ZSWIM9: variants seen among roughly 807,000 people sequenced by gnomAD.
ZSWIM9 encodes zinc finger SWIM-type containing 9.
In ZSWIM9, 11 loss-of-function variants were observed where a neutral mutation model predicts 25.0. The ratio of observed to expected loss-of-function variants is 0.44; its 90% confidence interval spans 0.28 to 0.73. The LOEUF is 0.73. Ranked by LOEUF, ZSWIM9 falls within the 30% of genes least tolerant of loss-of-function variation. ZSWIM9 has a pLI of 0.16. For missense variants in ZSWIM9, 1,070 were observed against 1,296.5 expected, an observed-to-expected ratio of 0.83 and a Z score of 2.68; for synonymous variants, 562 against 582.1, an observed-to-expected ratio of 0.97 and a Z score of 0.50.
Position 48,197,244 on chromosome 19 carries a change from T to G in ZSWIM9, c.*417T>G, listed in dbSNP as rs1299124377. ...GCGGGGAGAGGGGAAAGGGAGAAAG[T>G]ACAGAAGACAGATGAAGGAGAGGAG... is the stretch of plus-strand genomic sequence containing the variant. On this transcript the variant is annotated 3_prime_UTR_variant, in exon 4 of 4. Coordinates refer to ENST00000614654, the MANE Select transcript of ZSWIM9 (RefSeq NM_199341.4). 1 of 698,416 alleles carries G rather than the reference T, an allele frequency of 1.4e-6. No individual in the cohort carries two copies. Among genetic ancestry groups the G allele is most frequent in the African/African-American group, 1.8e-5 (1 of 55,588 alleles). The allele number at this position is 698,416 out of a possible 1,614,324, so 43.3% of individuals were successfully genotyped here.
rs1228838305 is a variant in ZSWIM9 at position 48,187,406 on chromosome 19, ATATATTATAATTATATAT to A, written c.588+4649_588+4666del. Among the ~76,000 whole-genome samples, 3 of 97,272 alleles carry A rather than the reference ATATATTATAATTATATAT, an allele frequency of 3.1e-5. No individual in the cohort carries two copies. The East Asian group carries it at 9.1e-4, about 29-fold the overall frequency. The allele number at this position is 97,272 out of a possible 152,430, so 63.8% of individuals were successfully genotyped here. On this transcript the variant is annotated intron_variant, in intron 3 of 3. Transcript: ENST00000614654. Reference sequence around the variant, plus strand: ...TAATAATTAATATATTATATTAATTATATATTATAATTATATATTATATTATATTATATATATTATATA... The same window carrying A: ...TAATAATTAATATATTATATTAATTATATATTATATTATATATATTATATA...
In ZSWIM9 at chr19:48,195,054, G is replaced by A. The variant is rs1246176581; in HGVS notation, c.990G>A (p.Gln330=). Reference sequence around the variant, plus strand: ...TGGAGACGCTCTTCAGCAAGGCGCAGGAGCTGGGCGGCGCCGGCCGCGAGG... The same window carrying A: ...TGGAGACGCTCTTCAGCAAGGCGCAAGAGCTGGGCGGCGCCGGCCGCGAGG... ...QGLETLFSKA[Q]ELGGAGREDP... is the part of the protein sequence containing the mutation. The change falls in exon 4 of 4, where the codon CAG becomes CAA. Residue 330 remains glutamine, a synonymous_variant. Transcript: ENST00000614654. This position sits in a 1 kb window ranked among gnomAD's most constrained non-coding sequence, Gnocchi z 5.8. 5 of 1,377,842 alleles carry A rather than the reference G, an allele frequency of 3.6e-6. No homozygotes were observed. The highest frequency in any genetic ancestry group is 6.9e-5 in the East Asian group (2 of 28,790). The allele number at this position is 1,377,842 out of a possible 1,614,324, so 85.4% of individuals were successfully genotyped here.
chr19:48,196,615 C>T lies in ZSWIM9; in HGVS notation c.2551C>T (p.Arg851Trp). 7 of 1,232,524 alleles carry T rather than the reference C, an allele frequency of 5.7e-6. No individual in the cohort carries two copies. Among genetic ancestry groups the T allele is most frequent in the Non-Finnish European group, 7.1e-6 (7 of 988,282 alleles). 76.3% of individuals were successfully genotyped at this position (1,232,524 alleles called of 1,614,324 possible). ...GGCCTTTGCTAGGCAGCATGGGACC[C>T]GGGGTTTCCACTGGACCGGAGCTGG... ...ELAFARQHGT[R>W]GFHWTGAGFA... Residue 851 changes from arginine to tryptophan, a missense_variant, in exon 4 of 4, where the codon CGG becomes TGG. Coordinates refer to ENST00000614654, the MANE Select transcript of ZSWIM9 (RefSeq NM_199341.4).
chr19:48,190,135 C>A (rs559695958), intron 3 of ZSWIM9, among the ~76,000 whole-genome samples: 1 of 150,030 alleles, frequency 6.7e-6, no homozygotes, highest in East Asian at 2.0e-4. Flanking sequence ...CCTGGGGTGG[C>A]GGAGGTCGCA....
intron 3 of ZSWIM9, among the ~76,000 whole-genome samples, chr19:48,183,848 A>T (rs1204966848): frequency 6.7e-6 from 1 of 148,288 alleles, no homozygotes; most frequent in Non-Finnish European, 1.5e-5. Context: ...GGGTCTCCCT[A>T]TGTTGCCCAG....
In ZSWIM9 at chr19:48,190,201, C is replaced by G. The variant is rs537073355; in HGVS notation, c.589-4452C>G. On this transcript the variant is annotated intron_variant, in intron 3 of 3. Coordinates refer to ENST00000614654, the MANE Select transcript of ZSWIM9 (RefSeq NM_199341.4). ...CCTGGGTGACAGATTGAGACTCCAT[C>G]TCAAAAAAAAAAAAAAGAAAGAAAA... Among the ~76,000 whole-genome samples the G allele has an allele frequency of 1.5e-3, 170 of 114,836 alleles. 3 individuals are homozygous for G. In the East Asian group the frequency reaches 0.038, roughly 26 times the overall value. 75.3% of individuals were successfully genotyped at this position (114,836 alleles called of 152,430 possible).
intron 2 of ZSWIM9, among the ~76,000 whole-genome samples, chr19:48,175,147 C>T (rs2036879403): frequency 6.6e-6 from 1 of 152,098 alleles, no homozygotes. Flanking sequence ...AGTATGTGAG[C>T]TAACAGACAC....
intron 2 of ZSWIM9, among the ~76,000 whole-genome samples, chr19:48,175,593 G>A (rs187262006): frequency 6.6e-6 from 1 of 152,122 alleles, no homozygotes; most frequent in Non-Finnish European, 1.5e-5. Context: ...AGTAGGGTCA[G>A]TTCTGGGTGG....
Position 48,195,486 on chromosome 19 carries a change from A to G in ZSWIM9, c.1422A>G (p.Thr474=). 1 of 1,414,828 alleles carries G rather than the reference A, an allele frequency of 7.1e-7. No individual in the cohort carries two copies. Among genetic ancestry groups the G allele is most frequent in the Non-Finnish European group, 9.2e-7 (1 of 1,091,574 alleles). 87.6% of individuals were successfully genotyped at this position (1,414,828 alleles called of 1,614,324 possible). ...GENERVRGLE[T]GDWGGAPKEG... ...ACGAGAGGGTGAGGGGCCTGGAGAC[A>G]GGCGACTGGGGAGGGGCTCCGAAAG... Residue 474 remains threonine, a synonymous_variant, in exon 4 of 4, where the codon ACA becomes ACG. Coordinates refer to ENST00000614654, the MANE Select transcript of ZSWIM9 (RefSeq NM_199341.4). The surrounding 1 kb of genome is among the most constrained non-coding windows in gnomAD (Gnocchi z 5.8).
At position 48,172,341 on chromosome 19, in the gene ZSWIM9, G is replaced by C. The variant is rs535494378; in HGVS notation, c.275+264G>C. Among the ~76,000 whole-genome samples the C allele has an allele frequency of 1.1e-4, 16 of 151,462 alleles. No homozygotes were observed. In the South Asian group the frequency reaches 3.3e-3, roughly 32 times the overall value. On this transcript the variant is annotated intron_variant, in intron 2 of 3. Coordinates refer to ENST00000614654, the MANE Select transcript of ZSWIM9 (RefSeq NM_199341.4). ...AGACTTTTTTTTTTTTTTCGAGATG[G>C]AGTCTCGCTCTGTCGCCCAGGCTTG...
chr19:48,190,306 T>G (rs2037078920), intron 3 of ZSWIM9, among the ~76,000 whole-genome samples: 3 of 152,192 alleles, frequency 2.0e-5, no homozygotes, highest in African/African-American at 7.2e-5. Flanking sequence ...ATAGAGGGTC[T>G]TGAGGTTGTG....
chr19:48,195,766 A>G lies in ZSWIM9; in HGVS notation c.1702A>G (p.Lys568Glu). ...DWRGPQLEGE[K>E]DWGLEGYVWR... ...GAGGGGGCCCCAGTTGGAGGGTGAG[A>G]AAGATTGGGGACTGGAAGGTTATGT... Residue 568 changes from lysine to glutamate, a missense_variant, in exon 4 of 4, where the codon AAA becomes GAA. Coordinates refer to ENST00000614654, the MANE Select transcript of ZSWIM9 (RefSeq NM_199341.4). This position sits in a 1 kb window ranked among gnomAD's most constrained non-coding sequence, Gnocchi z 5.8. 6.7e-7 allele frequency: 1 copy of G among 1,489,072 alleles called. No individual in the cohort carries two copies. The allele number at this position is 1,489,072 out of a possible 1,614,324, so 92.2% of individuals were successfully genotyped here. A position where few individuals can be genotyped will look rare whatever the true frequency, so the allele number is the denominator to read the frequency against.
Position 48,196,008 on chromosome 19 carries a change from ACAGT to A in ZSWIM9, c.1948_1951del (p.Ser650LysfsTer2). On this transcript the variant is annotated frameshift_variant, in exon 4 of 4. Transcript: ENST00000614654. LOFTEE classifies it low-confidence loss of function (END_TRUNC). Reference sequence around the variant, plus strand: ...TGAGAACTGCAGAATGGAAGGGGCCACAGTCAGAAGTAGAGAAGGGGAGGGGGCT... The same window carrying A: ...TGAGAACTGCAGAATGGAAGGGGCCACAGAAGTAGAGAAGGGGAGGGGGCT... 1 of 1,273,838 alleles carries A rather than the reference ACAGT, an allele frequency of 7.9e-7. No homozygotes were observed. Among genetic ancestry groups the A allele is most frequent in the Non-Finnish European group, 9.9e-7 (1 of 1,012,440 alleles). The allele number at this position is 1,273,838 out of a possible 1,614,324, so 78.9% of individuals were successfully genotyped here.
Position 48,171,213 on chromosome 19 carries a change from C to T in ZSWIM9, c.-10+499C>T, listed in dbSNP as rs912308660. 4.2e-5 allele frequency: 41 copies of T among 985,210 alleles called. No individual in the cohort carries two copies. The African/African-American group carries it at 6.6e-4, about 16-fold the overall frequency. 61.0% of individuals were successfully genotyped at this position (985,210 alleles called of 1,614,324 possible). A position where few individuals can be genotyped will look rare whatever the true frequency, so the allele number is the denominator to read the frequency against. ...CGGGGGAAGGGGCAACAGCTGCACG[C>T]CAGAGGCACATCTGGGGAGTGCGGA... On this transcript the variant is annotated intron_variant, in intron 1 of 3. Transcript: ENST00000614654.
chr19:48,172,519 G>A (rs1568572982), intron 2 of ZSWIM9, among the ~76,000 whole-genome samples: 2 of 152,062 alleles, frequency 1.3e-5, no homozygotes, highest in African/African-American at 2.4e-5. Context: ...GTTTTGCTTT[G>A]TGTTGTTTTT....
chr19:48,193,547 C>T lies in ZSWIM9; in HGVS notation c.589-1106C>T, dbSNP rs77724674. The stretch of plus-strand genomic sequence containing the variant: ...ATCCCTGTGCTTGTGGGGCTTCCAT[C>T]TTAAGGAGGGCAAGCAGGCAATGGG... On this transcript the variant is annotated intron_variant, in intron 3 of 3. Transcript: ENST00000614654. Among the ~76,000 whole-genome samples, 112 of 152,244 alleles carry T rather than the reference C, an allele frequency of 7.4e-4. 2 individuals are homozygous for T. In the East Asian group the frequency reaches 0.02, roughly 27 times the overall value.
chr19:48,179,164 TTTA>T (rs2036922811), intron 2 of ZSWIM9, among the ~76,000 whole-genome samples: 1 of 152,056 alleles, frequency 6.6e-6, no homozygotes, highest in African/African-American at 2.4e-5. Flanking sequence ...TTCCCTTTCT[TTTA>T]TTTTCTTTTT....
At position 48,195,297 on chromosome 19, in the gene ZSWIM9, G is replaced by A. The variant is rs897460665; in HGVS notation, c.1233G>A (p.Arg411=). The A allele has an allele frequency of 8.0e-5, 123 of 1,530,196 alleles. No individual in the cohort carries two copies. Among genetic ancestry groups the A allele is most frequent in the Non-Finnish European group, 1.0e-4 (115 of 1,144,404 alleles). 94.8% of individuals were successfully genotyped at this position (1,530,196 alleles called of 1,614,324 possible). The part of the protein sequence containing the change: ...DACALVRGHR[R]RLLRRLSPSR... ...GTGCCCTGGTGCGAGGCCACCGCCG[G>A]CGACTGCTGCGTCGTCTCAGCCCCT... The change falls in exon 4 of 4, where the codon CGG becomes CGA. Residue 411 remains arginine, a synonymous_variant. Transcript: ENST00000614654. This position sits in a 1 kb window ranked among gnomAD's most constrained non-coding sequence, Gnocchi z 5.8.
rs1003757780 is a variant in ZSWIM9, at chr19:48,196,295, G to A, written c.2231G>A (p.Arg744Gln). 90 of 1,233,790 alleles carry A rather than the reference G, an allele frequency of 7.3e-5. No homozygotes were observed. The highest frequency in any genetic ancestry group is 8.7e-5 in the Non-Finnish European group (86 of 989,342). 76.4% of individuals were successfully genotyped at this position (1,233,790 alleles called of 1,614,324 possible). The change falls in exon 4 of 4, where the codon CGA becomes CAA. Residue 744 changes from arginine (R) to glutamine (Q), a missense_variant. Arg to Gln is a conservative substitution (Grantham distance 43). This residue lies in a region of ZSWIM9 where 583 missense variants were observed against 624.7 expected (regional missense o/e 0.93). Transcript: ENST00000614654. ...GCCCGGTCCGTGGGCCCCAAGAGCC[G>A]AGCCGGACGAGGGATGGAGTGGGGA... ...GGARSVGPKSRAGRGMEWGDA... is the reference protein window; with the variant it reads ...GGARSVGPKSQAGRGMEWGDA...
Sources: gnomAD v4.1 joint callset for allele counts (sites outside exome capture counted in the v4.1 genomes callset) on GRCh38, gnomAD v4.1.1 for gene constraint, gnomAD v4.1.1 regional missense constraint, Gnocchi (gnomAD v3.1) non-coding constraint, MANE v1.5 for transcripts, NCBI Gene and HGNC (gene_info 2026-07-23, HGNC 2026-07-21) for gene names.